ATP8B1: variants seen among roughly 807,000 people sequenced by gnomAD.
ATP8B1 encodes ATPase phospholipid transporting 8B1.
Under a neutral mutation model 149.9 loss-of-function variants are expected in ATP8B1, and 80 were observed. The observed-to-expected ratio is 0.53, with a 90% CI of 0.45 to 0.64. The LOEUF (loss-of-function observed/expected upper bound fraction) is 0.64, where lower values mean the gene tolerates loss of function less well. Among genes scored for constraint, ATP8B1 ranks in the 30% least tolerant of loss-of-function variants. The probability of loss-of-function intolerance (pLI) is 0.00; values close to 1 mark genes in which losing one functional copy is unlikely to be tolerated. For synonymous variants in ATP8B1, 536 were observed against 562.8 expected, an observed-to-expected ratio of 0.95 and a Z score of 0.67; for missense variants, 1,247 against 1,552.6, an observed-to-expected ratio of 0.80 and a Z score of 3.31.
intron 1 of ATP8B1, among the ~76,000 whole-genome samples, chr18:57,748,236 G>C (rs1486303689): frequency 6.6e-6 from 1 of 152,148 alleles, no homozygotes; most frequent in Non-Finnish European, 1.5e-5. Context: ...TACTTTGTTT[G>C]AGGATCAAAT....
At chr18:57,729,939 C>A (rs2079744513) in intron 2 of ATP8B1, among the ~76,000 whole-genome samples, 1 of 152,140 alleles carries the variant, frequency 6.6e-6, no homozygotes, top group Non-Finnish European at 1.5e-5. Context: ...TCCTCAACAG[C>A]TTGAAATCAA....
intron 26 of ATP8B1, among the ~76,000 whole-genome samples, chr18:57,651,467 T>G (rs1456193828): frequency 1.3e-5 from 2 of 152,108 alleles, no homozygotes; most frequent in African/African-American, 2.4e-5. Context: ...AAGTCTTAAG[T>G]TATCTAATTC....
At chr18:57,663,167 T>C (rs1044142300) in intron 20 of ATP8B1, among the ~76,000 whole-genome samples, 1 of 152,228 alleles carries the variant, frequency 6.6e-6, no homozygotes, top group Non-Finnish European at 1.5e-5. Flanking sequence ...AGATACCTCA[T>C]ATATGTGAAA....
intron 1 of ATP8B1, among the ~76,000 whole-genome samples, chr18:57,786,214 C>T (rs1016089701): frequency 5.9e-5 from 9 of 152,158 alleles, no homozygotes; most frequent in Non-Finnish European, 1.2e-4. Context: ...ACAAATAGAC[C>T]AGCAATGACA....
At chr18:57,697,544 A>T (rs1912879395) in intron 8 of ATP8B1, 74 bp downstream of exon 8, 3 of 1,513,734 alleles carry the variant, frequency 2.0e-6, no homozygotes, top group Admixed American at 1.7e-5. Flanking sequence ...TCTGGTCCAC[A>T]ATGCCCCGAT....
At chr18:57,693,954 C>T (rs181796489) in intron 11 of ATP8B1, among the ~76,000 whole-genome samples, 9 of 152,100 alleles carry the variant, frequency 5.9e-5, no homozygotes, top group Admixed American at 2.0e-4. Context: ...GGGGGCAGGA[C>T]GGCCGACTTT....
intron 4 of ATP8B1, 126 bp from the exon 5 acceptor site, chr18:57,701,439 G>A (rs753604616): frequency 1.2e-6 from 1 of 844,402 alleles, no homozygotes; most frequent in Non-Finnish European, 2.0e-6. Flanking sequence ...TCTACATCCT[G>A]CAGAGTATAT....
intron 18 of ATP8B1, chr18:57,668,997 A>C (rs1195423065): frequency 4.6e-6 from 1 of 219,560 alleles, no homozygotes; most frequent in East Asian, 1.1e-4. Flanking sequence ...TGTTTCGGTA[A>C]TTCCCCCAAT....
At chr18:57,756,210 T>C (rs11659990) in intron 1 of ATP8B1, among the ~76,000 whole-genome samples, 57,544 of 107,982 alleles carry the variant, frequency 0.53, 17,038 homozygotes, top group South Asian at 0.61. Flanking sequence ...TATATATATA[T>C]ACACACACAC....
At chr18:57,672,886 G>GTATATATATA (rs1198919117) in intron 16 of ATP8B1, among the ~76,000 whole-genome samples, 1 of 14,062 alleles carries the variant, frequency 7.1e-5, no homozygotes, top group Admixed American at 1.5e-3. Context: ...AAAAAAAAAA[G>GTATATATATA]TATATATATA....
intron 16 of ATP8B1, 51 bp from the exon 17 acceptor site, chr18:57,671,631 T>C: frequency 1.5e-6 from 2 of 1,325,748 alleles, no homozygotes; most frequent in East Asian, 4.8e-5. Flanking sequence ...TTTTTATATA[T>C]ATATTTTTTG....
intron 2 of ATP8B1, among the ~76,000 whole-genome samples, chr18:57,713,240 C>CTTCTTTCTTCCT (rs1913812178): frequency 1.5e-5 from 1 of 65,096 alleles, no homozygotes; most frequent in Admixed American, 1.9e-4. Context: ...TCCTTCCTTC[C>CTTCTTTCTTCCT]TTCTTTCTTT....
chr18:57,731,399 G>C, intron 2 of ATP8B1: 9 of 416,816 alleles, frequency 2.2e-5, no homozygotes, highest in Non-Finnish European at 2.7e-5. Flanking sequence ...AGACCTTAAT[G>C]TATTTTCTCT....
At chr18:57,730,331 G>A (rs914843961) in intron 2 of ATP8B1, among the ~76,000 whole-genome samples, 3 of 152,134 alleles carry the variant, frequency 2.0e-5, no homozygotes, top group South Asian at 2.1e-4. Context: ...GCTAAAATCC[G>A]AGGCTTCTCT....
At position 57,745,273 on chromosome 18, in the gene ATP8B1, C is replaced by CA. The variant is rs549027699; in HGVS notation, c.-25-13442dup. Among the ~76,000 whole-genome samples the CA allele has an allele frequency of 2.3e-3, 343 of 152,032 alleles. 1 individual carries two copies. The highest frequency in any genetic ancestry group is 3.9e-3 in the Non-Finnish European group (267 of 67,954). ...TTCAATGAAAGGACTCTTACTGAAA[C>CA]AAATTTTTTTTTTTTTGAGACAGTG... On this transcript the variant is annotated intron_variant, in intron 1 of 27. Coordinates refer to ENST00000648908, the MANE Select transcript of ATP8B1 (RefSeq NM_001374385.1).
At chr18:57,700,970 T>C in intron 6 of ATP8B1, 69 bp downstream of exon 6, 1 of 1,426,202 alleles carries the variant, frequency 7.0e-7, no homozygotes, top group East Asian at 2.3e-5. Flanking sequence ...AATAATTATC[T>C]CTGAATGTGT....
At chr18:57,669,250 T>C (rs1911080714) in intron 18 of ATP8B1, 68 bp downstream of exon 18, 7 of 1,460,566 alleles carry the variant, frequency 4.8e-6, no homozygotes, top group Middle Eastern at 1.8e-4. Flanking sequence ...AAATATTCAA[T>C]AAAACTTAAT....
At chr18:57,794,463 T>TAAA (rs58976028) in intron 1 of ATP8B1, among the ~76,000 whole-genome samples, 2 of 110,458 alleles carry the variant, frequency 1.8e-5, no homozygotes, top group African/African-American at 3.5e-5. Context: ...AACCTGACAT[T>TAAA]AAAAAAAAAA....
intron 20 of ATP8B1, among the ~76,000 whole-genome samples, chr18:57,666,246 C>T (rs1048526284): frequency 8.5e-5 from 13 of 152,270 alleles, no homozygotes; most frequent in African/African-American, 2.9e-4. Flanking sequence ...TTTCATCATA[C>T]ATTTCCAGGT....
Sources: gnomAD v4.1 joint callset for allele counts (sites outside exome capture counted in the v4.1 genomes callset) on GRCh38, gnomAD v4.1.1 for gene constraint, MANE v1.5 for transcripts, NCBI Gene and HGNC (gene_info 2026-07-23, HGNC 2026-07-21) for gene names.